FAM184A: variants seen among roughly 807,000 people sequenced by gnomAD.
The protein encoded by FAM184A is family with sequence similarity 184 member A, also known as protein FAM184A.
A neutral mutation model predicts 143.8 loss-of-function variants in FAM184A; 99 were observed. The observed-to-expected ratio is 0.69, with a 90% CI of 0.58 to 0.81. The LOEUF is 0.81. Among genes scored for constraint, FAM184A ranks in the 40% least tolerant of loss-of-function variants. The pLI is 0.00. For synonymous variants in FAM184A, 427 were observed against 446.4 expected (o/e 0.96, Z 0.55); for missense variants, 1,217 against 1,310.5 (o/e 0.93, Z 1.10).
chr6:118,988,548 G>A (rs186590293), intron 9 of FAM184A, among the ~76,000 whole-genome samples: 3 of 152,280 alleles, frequency 2.0e-5, no homozygotes, highest in East Asian at 3.9e-4. Context: ...AATGAGTTGC[G>A]GTGAAAACCG....
chr6:119,052,604 T>C (rs1447636856), intron 1 of FAM184A, among the ~76,000 whole-genome samples: 1 of 152,118 alleles, frequency 6.6e-6, no homozygotes, highest in Non-Finnish European at 1.5e-5. Context: ...CCACCACACA[T>C]GTACAGGAGG....
intron 14 of FAM184A, among the ~76,000 whole-genome samples, chr6:118,970,008 A>ATATATATATATATATATATATATATT: frequency 5.2e-5 from 1 of 19,054 alleles, no homozygotes; most frequent in African/African-American, 1.5e-4. Flanking sequence ...ATATATATAT[A>ATATATATATATATATATATATATATT]TTTTTTTTTT....
At position 118,999,452 on chromosome 6, in the gene FAM184A, C is replaced by T. The variant is rs145451925; in HGVS notation, c.2088+3447G>A. Among the ~76,000 whole-genome samples, 427 of 152,216 alleles carry T rather than the reference C, an allele frequency of 2.8e-3. 2 individuals carry two copies. The highest frequency in any genetic ancestry group is 4.8e-3 in the Admixed American group (73 of 15,284). On this transcript the variant is annotated intron_variant, in intron 9 of 17. Transcript: ENST00000338891. ...CACAATAACCTCTACCCAAACTGCC[C>T]CCAACACTGTTTTTCTTATTACTGT...
At chr6:119,013,057 T>C (rs971024840) in intron 5 of FAM184A, among the ~76,000 whole-genome samples, 1 of 151,704 alleles carries the variant, frequency 6.6e-6, no homozygotes, top group Non-Finnish European at 1.5e-5. Flanking sequence ...AGACATGAGG[T>C]AGACAGGCAA....
chr6:119,094,931 C>T (rs965281233), intron 1 of FAM184A, among the ~76,000 whole-genome samples: 1 of 152,132 alleles, frequency 6.6e-6, no homozygotes, highest in Non-Finnish European at 1.5e-5. Context: ...GGCTGGGGTT[C>T]TAATGGGGGA....
chr6:119,081,314 A>G (rs541696779), upstream of FAM184A, among the ~76,000 whole-genome samples: 5 of 152,302 alleles, frequency 3.3e-5, 1 homozygote, highest in South Asian at 1.0e-3. Flanking sequence ...TGAAACAGGA[A>G]AAGTTCCCTT....
intron 5 of FAM184A, among the ~76,000 whole-genome samples, chr6:119,012,265 G>T (rs1458728291): frequency 1.3e-5 from 2 of 152,166 alleles, no homozygotes; most frequent in African/African-American, 4.8e-5. Flanking sequence ...AAAATGAGAA[G>T]AAGAATCAAT....
Position 118,961,868 on chromosome 6 carries a change from A to G in FAM184A, c.3234T>C (p.Pro1078=), listed in dbSNP as rs1407026292. ...LESGGVGNGH[P]NRLDPIPNSP... The stretch of plus-strand genomic sequence containing the variant: ...AATTAGGAATGGGATCCAGGCGGTT[A>G]GGATGTCCATTGCCCACTCCACCAG... The change falls in exon 17 of 18, where the codon CCT becomes CCC. Residue 1078 remains proline, a synonymous_variant. Transcript: ENST00000338891. The G allele has an allele frequency of 6.2e-7, 1 of 1,613,970 alleles. No homozygotes were observed. Among genetic ancestry groups the G allele is most frequent in the South Asian group, 1.1e-5 (1 of 91,084 alleles).
intron 1 of FAM184A, among the ~76,000 whole-genome samples, chr6:119,065,261 A>G (rs1787403372): frequency 6.6e-6 from 1 of 152,158 alleles, no homozygotes; most frequent in South Asian, 2.1e-4. Context: ...ACTTACTATA[A>G]GAAGACCCAT....
intron 1 of FAM184A, among the ~76,000 whole-genome samples, chr6:119,056,858 C>T (rs1277644627): frequency 6.6e-6 from 1 of 152,210 alleles, no homozygotes; most frequent in East Asian, 1.9e-4. Flanking sequence ...AAAGATGTGA[C>T]TTTCTTCCTT....
At chr6:119,059,586 T>G (rs914003385) in intron 1 of FAM184A, among the ~76,000 whole-genome samples, 1 of 152,232 alleles carries the variant, frequency 6.6e-6, no homozygotes, top group Non-Finnish European at 1.5e-5. Flanking sequence ...TTTCTTAACA[T>G]CCTCTCCACT....
chr6:119,114,896 C>T (rs1472894253), intron 1 of FAM184A, among the ~76,000 whole-genome samples: 1 of 152,168 alleles, frequency 6.6e-6, no homozygotes, highest in Non-Finnish European at 1.5e-5. Flanking sequence ...ACTCTGTCTC[C>T]CAGGCTGGAG....
At chr6:118,967,375 TA>T (rs777999247) in intron 14 of FAM184A, among the ~76,000 whole-genome samples, 1 of 152,140 alleles carries the variant, frequency 6.6e-6, no homozygotes, top group Middle Eastern at 3.2e-3. Context: ...CAAGGCTTGG[TA>T]ACATATAAAA....
chr6:119,007,638 T>G (rs1784962153), intron 6 of FAM184A, among the ~76,000 whole-genome samples: 1 of 152,156 alleles, frequency 6.6e-6, no homozygotes, highest in Admixed American at 6.5e-5. Context: ...ATTAAATAAA[T>G]TATAAAGAAT....
At chr6:119,051,726 GAGAGGTAAAGTA>G (rs919763834) in intron 1 of FAM184A, among the ~76,000 whole-genome samples, 5 of 152,084 alleles carry the variant, frequency 3.3e-5, no homozygotes, top group African/African-American at 7.2e-5. Context: ...CTATTGGTTT[GAGAGGTAAAGTA>G]AGAGGTAAAA....
chr6:118,998,455 T>G (rs1283259549), intron 9 of FAM184A, among the ~76,000 whole-genome samples: 4 of 152,196 alleles, frequency 2.6e-5, no homozygotes, highest in Admixed American at 6.5e-5. Context: ...CTCGTGGAAC[T>G]TACATGTGAA....
chr6:119,074,733 C>T (rs924039311), intron 1 of FAM184A, among the ~76,000 whole-genome samples: 13 of 152,216 alleles, frequency 8.5e-5, no homozygotes, highest in African/African-American at 3.1e-4. Context: ...ATCCATCCAG[C>T]TTCACTGCCT....
At chr6:119,032,089 T>C (rs1785891310) in intron 1 of FAM184A, among the ~76,000 whole-genome samples, 1 of 152,064 alleles carries the variant, frequency 6.6e-6, no homozygotes, top group Non-Finnish European at 1.5e-5. Context: ...CTGGCCAACA[T>C]GGCGAAACCC....
chr6:118,970,810 T>C (rs1783672865), intron 14 of FAM184A, among the ~76,000 whole-genome samples: 1 of 152,234 alleles, frequency 6.6e-6, no homozygotes, highest in Admixed American at 6.5e-5. Context: ...TCACCAGGCA[T>C]GCATGCCCTG....
Sources: allele counts gnomAD v4.1 joint callset (sites outside exome capture counted in the v4.1 genomes callset), GRCh38; gene constraint gnomAD v4.1.1; transcripts MANE v1.5; gene names NCBI Gene and HGNC (gene_info 2026-07-23, HGNC 2026-07-21).